NOL8: variants seen among roughly 807,000 people sequenced by gnomAD.
NOL8 encodes nucleolar protein 8.
NOL8 carries 93 observed loss-of-function variants against 116.1 expected under a neutral mutation model. The ratio of observed to expected loss-of-function variants is 0.80; its 90% CI spans 0.68 to 0.95. The LOEUF is 0.95. NOL8 is among the 40% of genes least tolerant of loss of function. The pLI is 0.00. For missense variants in NOL8, 1,291 were observed against 1,382.8 expected (o/e 0.93, Z 1.05); for synonymous variants, 419 against 469.0 (o/e 0.89, Z 1.38).
Position 92,310,586 on chromosome 9 carries a change from A to G in NOL8, c.2562T>C (p.Ile854=). The change falls in exon 9 of 17, where the codon ATT becomes ATC. Residue 854 remains isoleucine (I), a synonymous_variant. Transcript: ENST00000442668. ...CAGCTCTGCCCTCAAACTGAGGTTT[A>G]ATTTTGAACCTATTACTGTCATCTT... ...DSEDDSNRFK[I]KPQFEGRAGQ... The G allele has an allele frequency of 6.2e-7, 1 of 1,612,246 alleles. No homozygotes were observed. The highest frequency in any genetic ancestry group is 1.1e-5 in the South Asian group (1 of 90,638).
Position 92,321,582 on chromosome 9 carries a change from A to G in NOL8, c.281+86T>C, listed in dbSNP as rs1047009767. 6 of 746,380 alleles carry G rather than the reference A, an allele frequency of 8.0e-6. No individual in the cohort carries two copies. In the African/African-American group the frequency reaches 9.1e-5, roughly 11 times the overall value. The allele number at this position is 746,380 out of a possible 1,614,324, so 46.2% of individuals were successfully genotyped here. ...TTGAATTTGTTAAGAATATAATACT[A>G]TATTACTTGATAATTTGAAATAATA... On this transcript the variant is annotated intron_variant, in intron 4 of 16. Transcript: ENST00000442668.
chr9:92,318,566 T>A (rs1475516601), intron 6 of NOL8, 52 bp downstream of exon 6: 2 of 1,256,550 alleles, frequency 1.6e-6, no homozygotes, highest in Admixed American at 2.1e-5. Context: ...AAAGGTATTT[T>A]ACAAGTATCC....
At chr9:92,316,288 CT>C in intron 6 of NOL8, 150 bp from the exon 7 acceptor site, 1 of 797,622 alleles carries the variant, frequency 1.3e-6, no homozygotes, top group Non-Finnish European at 1.9e-6. Context: ...ACTAGGTTAC[CT>C]TTCAGGGTCT....
chr9:92,300,888 A>G (rs1837682043), intron 13 of NOL8: 2 of 1,014,818 alleles, frequency 2.0e-6, no homozygotes, highest in South Asian at 3.4e-5. Flanking sequence ...TTAAAGTAGA[A>G]TCATTGTAGT....
At chr9:92,300,361 A>G in intron 13 of NOL8, 1 of 994,480 alleles carries the variant, frequency 1.0e-6, no homozygotes. Context: ...GAAGCCTAAA[A>G]TATAATAGGA....
Position 92,314,400 on chromosome 9 carries a change from A to C in NOL8, c.2225T>G (p.Ile742Ser), listed in dbSNP as rs752806373. Residue 742 changes from isoleucine to serine, a missense_variant, in exon 7 of 17, where the codon ATT (isoleucine) becomes AGT (serine). Coordinates refer to ENST00000442668, the MANE Select transcript of NOL8 (RefSeq NM_017948.6). ...AGCACTCACATCTGACGAATTACTA[A>C]TAGAAAGTGAGAAATCAGTTTTGAT... Reference protein sequence around the residue: ...REIKTDFSLSISNSSDVSAKD... With the variant: ...REIKTDFSLSSSNSSDVSAKD... The C allele has an allele frequency of 6.2e-7, 1 of 1,613,550 alleles. No homozygotes were observed. Among genetic ancestry groups the C allele is most frequent in the Non-Finnish European group, 8.5e-7 (1 of 1,179,544 alleles).
Position 92,306,601 on chromosome 9 carries a change from C to G in NOL8, c.2825+285G>C, listed in dbSNP as rs187279909. On this transcript the variant is annotated intron_variant, in intron 11 of 16. Coordinates refer to ENST00000442668, the MANE Select transcript of NOL8 (RefSeq NM_017948.6). ...TGCCTGAAAATTTCCATAACAGTTA[C>G]GTTTATATAAATACTTTTACAGTTA... 3.9e-5 allele frequency among the ~76,000 whole-genome samples: 6 copies of G among 152,220 alleles called. No homozygotes were observed. In the East Asian group the frequency reaches 1.2e-3, roughly 29 times the overall value.
At chr9:92,320,789 T>C (rs1839860498) in intron 4 of NOL8, among the ~76,000 whole-genome samples, 1 of 152,160 alleles carries the variant, frequency 6.6e-6, no homozygotes, top group South Asian at 2.1e-4. Context: ...GTATTTTTAG[T>C]AGAGACGGGG....
chr9:92,320,002 C>T (rs766900629), intron 4 of NOL8: 6 of 449,638 alleles, frequency 1.3e-5, no homozygotes, highest in Admixed American at 4.7e-5. Context: ...GACCATGGAT[C>T]GCAAGTTCTC....
chr9:92,305,621 A>C, intron 12 of NOL8, 132 bp downstream of exon 12: 1 of 681,734 alleles, frequency 1.5e-6, no homozygotes, highest in Admixed American at 2.6e-5. Flanking sequence ...CTCTACCTGC[A>C]CTACCCCTAC....
intron 6 of NOL8, among the ~76,000 whole-genome samples, chr9:92,317,259 C>T (rs79847224): frequency 0.068 from 10,293 of 152,264 alleles, 478 homozygotes; most frequent in Non-Finnish European, 0.098. Context: ...TGCACCCCAC[C>T]TTAAGCGATT....
chr9:92,310,508 A>G, intron 9 of NOL8, 45 bp downstream of exon 9: 1 of 1,560,472 alleles, frequency 6.4e-7, no homozygotes, highest in Non-Finnish European at 8.7e-7. Flanking sequence ...TATGTCAAAA[A>G]ATAAGGACAT....
chr9:92,298,996 G>T, intron 14 of NOL8, 42 bp from the exon 15 acceptor site: 1 of 1,110,540 alleles, frequency 9.0e-7, no homozygotes, highest in Non-Finnish European at 1.3e-6. Context: ...ATAGGTATTG[G>T]TTGGTTTAAT....
intron 12 of NOL8, among the ~76,000 whole-genome samples, chr9:92,302,446 T>G (rs1837834562): frequency 6.6e-6 from 1 of 152,214 alleles, no homozygotes; most frequent in African/African-American, 2.4e-5. Context: ...AGGCCAAAGT[T>G]TGTAATGTAC....
chr9:92,317,086 G>A (rs1028422683), intron 6 of NOL8, among the ~76,000 whole-genome samples: 2 of 152,146 alleles, frequency 1.3e-5, no homozygotes, highest in Non-Finnish European at 2.9e-5. Flanking sequence ...CCCAGTGGCA[G>A]GGACCACAGG....
In NOL8 at chr9:92,315,380, T is replaced by C; in HGVS notation, c.1245A>G (p.Arg415=). 6.2e-7 allele frequency: 1 copy of C among 1,602,720 alleles called. No homozygotes were observed. Among genetic ancestry groups the C allele is most frequent in the Non-Finnish European group, 8.5e-7 (1 of 1,173,456 alleles). ...KSTKKTSFKN[R]ENCELSDHCI... ...AGTGATCAGAAAGCTCACAGTTTTC[T>C]CTATTTTTGAAAGAAGTTTTCTTCG... Residue 415 remains arginine (R), a synonymous_variant, in exon 7 of 17, where the codon AGA becomes AGG. Transcript: ENST00000442668.
At chr9:92,310,412 G>T in intron 9 of NOL8, 141 bp downstream of exon 9, 1 of 1,164,722 alleles carries the variant, frequency 8.6e-7, no homozygotes, top group Non-Finnish European at 1.2e-6. Flanking sequence ...AATCAGAGAG[G>T]ATCACAGAAG....
rs1837348806 is a variant in NOL8 at position 92,297,623 on chromosome 9, A to C, written c.*213T>G. 1 of 535,990 alleles carries C rather than the reference A, an allele frequency of 1.9e-6. No individual in the cohort carries two copies. The highest frequency in any genetic ancestry group is 3.3e-6 in the Non-Finnish European group (1 of 303,332). The allele number at this position is 535,990 out of a possible 1,614,324, so 33.2% of individuals were successfully genotyped here. On this transcript the variant is annotated 3_prime_UTR_variant, in exon 17 of 17. Transcript: ENST00000442668. ...AAGGACTATCTTGTTCTTCCTTTATAAGAAGTTGAATTTAATTTTTGAAGT... is the reference window on the plus strand; with the variant it reads ...AAGGACTATCTTGTTCTTCCTTTATCAGAAGTTGAATTTAATTTTTGAAGT...
At chr9:92,312,808 C>A (rs1185871362) in intron 7 of NOL8, among the ~76,000 whole-genome samples, 1 of 85,104 alleles carries the variant, frequency 1.2e-5, no homozygotes, top group Non-Finnish European at 2.2e-5. Context: ...GCCTGGGCAA[C>A]AAGAGCAAAA....
Sources: allele counts gnomAD v4.1 joint callset (sites outside exome capture counted in the v4.1 genomes callset), GRCh38; gene constraint gnomAD v4.1.1; transcripts MANE v1.5; gene names NCBI Gene and HGNC (gene_info 2026-07-23, HGNC 2026-07-21).